The following TMPRSS9 variants were observed in gnomAD, a reference collection of about 807,000 sequenced individuals.
The protein encoded by TMPRSS9 is transmembrane serine protease 9, also known as transmembrane protease serine 9.
Under a neutral mutation model 111.4 loss-of-function variants are expected in TMPRSS9, and 113 were observed. That is an observed-to-expected ratio of 1.01 (90% CI 0.87 to 1.19). The LOEUF is 1.19. TMPRSS9 is among the 50% of genes most tolerant of loss of function. The pLI, the probability that TMPRSS9 is intolerant of heterozygous loss-of-function variation, is 0.00. For synonymous variants in TMPRSS9, 805 were observed against 659.1 expected (o/e 1.22, Z -3.39); for missense variants, 1,803 against 1,513.1 (o/e 1.19, Z -3.18).
chr19:2,360,875 C>T (rs1198874363), intron 1 of TMPRSS9, among the ~76,000 whole-genome samples: 1 of 147,438 alleles, frequency 6.8e-6, no homozygotes, highest in Non-Finnish European at 1.5e-5. Flanking sequence ...CGAGGCCAGG[C>T]TGGGTAGATG....
intron 13 of TMPRSS9, among the ~76,000 whole-genome samples, chr19:2,421,352 G>T (rs1333394795): frequency 1.3e-5 from 2 of 151,052 alleles, no homozygotes; most frequent in Non-Finnish European, 1.5e-5. Flanking sequence ...GCAGTGGTGC[G>T]ATCTCAGCTC....
upstream of TMPRSS9, among the ~76,000 whole-genome samples, chr19:2,385,172 CGGGGGG>C (rs1970451198): frequency 9.0e-5 from 1 of 11,142 alleles, no homozygotes; most frequent in East Asian, 3.2e-3. Context: ...GCGGGGCTCG[CGGGGGG>C]CGGGGCTCGC....
chr19:2,398,154 C>T (rs911253939), intron 2 of TMPRSS9, among the ~76,000 whole-genome samples: 2 of 140,344 alleles, frequency 1.4e-5, no homozygotes, highest in Non-Finnish European at 3.1e-5. Flanking sequence ...AAATTAGCCA[C>T]GCATGGTGGT....
chr19:2,390,564 C>T (rs1449164155), intron 1 of TMPRSS9, among the ~76,000 whole-genome samples: 1 of 149,352 alleles, frequency 6.7e-6, no homozygotes, highest in African/African-American at 2.4e-5. Context: ...TTTATAAAAC[C>T]GAGCAACTGG....
intron 1 of TMPRSS9, among the ~76,000 whole-genome samples, chr19:2,394,353 C>G (rs988056182): frequency 1.2e-4 from 19 of 152,036 alleles, no homozygotes; most frequent in African/African-American, 4.6e-4. Flanking sequence ...TGCCACTGCA[C>G]TGAAGCCCGA....
At chr19:2,425,311 G>A (rs1049244687) in intron 16 of TMPRSS9, 44 bp downstream of exon 17, 63 of 1,245,078 alleles carry the variant, frequency 5.1e-5, no homozygotes, top group Non-Finnish European at 5.7e-5. Context: ...TCGGGGGGCG[G>A]CCGGACGCGG....
At chr19:2,397,474 T>C (rs954347175) in intron 2 of TMPRSS9, among the ~76,000 whole-genome samples, 6 of 152,034 alleles carry the variant, frequency 3.9e-5, no homozygotes, top group Non-Finnish European at 7.4e-5. Flanking sequence ...ACAGCGTGGC[T>C]ATGCACACAC....
intron 1 of TMPRSS9, among the ~76,000 whole-genome samples, chr19:2,382,707 A>G (rs1296111365): frequency 6.6e-6 from 1 of 151,538 alleles, no homozygotes; most frequent in African/African-American, 2.4e-5. Flanking sequence ...GCACACACAA[A>G]AGCACACATG....
In TMPRSS9 at chr19:2,417,388, T is replaced by C. The variant is rs184940511; in HGVS notation, c.2017+579T>C. On this transcript the variant is annotated intron_variant, in intron 12 of 17. Transcript: ENST00000648592. ...GGCTGAGGCAGGAGAATTGCTTGAA[T>C]CTGGGAGGCAGAGGCTGCAGTGAGC... 2.1e-3 allele frequency among the ~76,000 whole-genome samples: 322 copies of C among 150,378 alleles called. 3 individuals are homozygous for C. The highest frequency in any genetic ancestry group is 7.6e-3 in the African/African-American group (311 of 40,822).
At chr19:2,396,793 A>G in intron 2 of TMPRSS9, 127 bp downstream of exon 3, 2 of 1,351,536 alleles carry the variant, frequency 1.5e-6, no homozygotes, top group Non-Finnish European at 2.0e-6. Context: ...AGGCTGTGAG[A>G]CCGGGAGGCC....
exon 6 of TMPRSS9, chr19:2,403,087 T>C: frequency 6.2e-7 from 1 of 1,609,168 alleles, no homozygotes; most frequent in Non-Finnish European, 8.5e-7. Flanking sequence ...CTCAGGCCGC[T>C]GTCCAGGGAA....
intron 14 of TMPRSS9, 130 bp downstream of exon 15, chr19:2,422,377 A>G: frequency 8.7e-7 from 1 of 1,148,804 alleles, no homozygotes; most frequent in Non-Finnish European, 1.2e-6. Context: ...CAGGAGATCG[A>G]GACCATCCTG....
chr19:2,425,724 A>G (rs1404054828), intron 17 of TMPRSS9: 9 of 1,145,770 alleles, frequency 7.9e-6, no homozygotes, highest in Non-Finnish European at 1.1e-5. Context: ...CAGAGGCTGC[A>G]GTGGGAGGCA....
intron 1 of TMPRSS9, among the ~76,000 whole-genome samples, chr19:2,363,781 TGTGTGTGA>T (rs1352244900): frequency 6.5e-5 from 7 of 107,304 alleles, no homozygotes; most frequent in South Asian, 2.9e-4. Flanking sequence ...CCAAGAACTC[TGTGTGTGA>T]GTGTGTGTGT....
intron 9 of TMPRSS9, among the ~76,000 whole-genome samples, chr19:2,410,718 G>T (rs1971077701): frequency 6.6e-6 from 1 of 152,114 alleles, no homozygotes; most frequent in African/African-American, 2.4e-5. Context: ...GCGTGCCACA[G>T]AGCCTGGGGT....
rs753493634 is a variant in TMPRSS9 at position 2,417,990 on chromosome 19, T to C, written c.2018-12T>C. Reference sequence around the variant, plus strand: ...ACTGTGCACGTGGCCTTTCTGGCTCTTTCCCTGGTAGCCACCAAGCCCGAG... The same window carrying C: ...ACTGTGCACGTGGCCTTTCTGGCTCCTTCCCTGGTAGCCACCAAGCCCGAG... On this transcript the variant is annotated splice_polypyrimidine_tract_variant and intron_variant, in intron 12 of 17. Coordinates refer to ENST00000648592, the Ensembl canonical transcript of TMPRSS9. The C allele has an allele frequency of 5.6e-6, 9 of 1,611,694 alleles. No individual in the cohort carries two copies. The highest frequency in any genetic ancestry group is 7.6e-6 in the Non-Finnish European group (9 of 1,179,398).
At chr19:2,413,058 G>A (rs1971130203) in intron 9 of TMPRSS9, among the ~76,000 whole-genome samples, 2 of 152,066 alleles carry the variant, frequency 1.3e-5, no homozygotes, top group Non-Finnish European at 2.9e-5. Context: ...AGCCGGGCGT[G>A]GTGATGCGTG....
At chr19:2,391,285 TAATA>T (rs1329154324) in intron 1 of TMPRSS9, among the ~76,000 whole-genome samples, 1 of 134,046 alleles carries the variant, frequency 7.5e-6, no homozygotes, top group Non-Finnish European at 1.6e-5. Context: ...TAAATGATGA[TAATA>T]AACAGCAATT....
chr19:2,398,839 G>A, exon 3 of TMPRSS9: 1 of 1,508,380 alleles, frequency 6.6e-7, no homozygotes, highest in South Asian at 1.2e-5. Flanking sequence ...CAAGCTGCGT[G>A]GGTTGCTCGG....
Sources: gnomAD v4.1 joint callset for allele counts (sites outside exome capture counted in the v4.1 genomes callset) on GRCh38, gnomAD v4.1.1 for gene constraint, MANE v1.5 for transcripts, NCBI Gene and HGNC (gene_info 2026-07-23, HGNC 2026-07-21) for gene names.